The following GPR107 variants were observed in gnomAD, a reference collection of about 807,000 sequenced individuals.
GPR107 encodes the protein G protein-coupled receptor 107.
A neutral mutation model predicts 75.5 loss-of-function variants in GPR107; 31 were observed. The ratio of observed to expected loss-of-function variants is 0.41; its 90% confidence interval spans 0.31 to 0.55. GPR107 has a LOEUF of 0.55. Among genes scored for constraint, GPR107 ranks in the 20% least tolerant of loss-of-function variants. The pLI is 0.26. For synonymous variants in GPR107, 267 were observed against 251.3 expected (o/e 1.06, Z -0.59); for missense variants, 572 against 665.7 (o/e 0.86, Z 1.55).
chr9:130,083,604 T>G lies in GPR107; in HGVS notation c.564+2T>G. The G allele has an allele frequency of 6.6e-7, 1 of 1,518,868 alleles. No individual in the cohort carries two copies. The highest frequency in any genetic ancestry group is 8.8e-7 in the Non-Finnish European group (1 of 1,140,510). 94.1% of individuals were successfully genotyped at this position (1,518,868 alleles called of 1,614,324 possible). ...AAAAGAAGTACAGTGGATTCAAAGG[T>G]AAGAACTAACCACCCTTTTGTGCTC... On this transcript the variant is annotated splice_donor_variant, in intron 6 of 17. Transcript: ENST00000347136. LOFTEE classifies it high-confidence loss of function.
rs566059171 is a variant in GPR107 at position 130,125,859 on chromosome 9, C to A, written c.1356+895C>A. On this transcript the variant is annotated intron_variant, in intron 15 of 17. Coordinates refer to ENST00000347136, the MANE Select transcript of GPR107 (RefSeq NM_020960.5). ...GGTCAGGAGATCGAGACCATCCTGT[C>A]CAACATGGTGAAACCCCATCTCTAC... Among the ~76,000 whole-genome samples the A allele has an allele frequency of 6.6e-5, 10 of 151,902 alleles. No homozygotes were observed. In the South Asian group the frequency reaches 2.1e-3, roughly 32 times the overall value.
intron 4 of GPR107, among the ~76,000 whole-genome samples, chr9:130,078,993 C>T (rs1173889121): frequency 6.6e-6 from 1 of 152,224 alleles, no homozygotes; most frequent in Non-Finnish European, 1.5e-5. Context: ...GGGTCTCGCT[C>T]TGTGGCCCAG....
Position 130,054,034 on chromosome 9 carries a change from C to A in GPR107, c.102C>A (p.Ala34=). ...TGCTGGGTTTGCTGCAGTTGCTGGC[C>A]GAGCCTGGCCTGGGCCGCGTCCATC... is the stretch of plus-strand genomic sequence containing the variant. The part of the protein sequence containing the change: ...LPMLGLLQLL[A]EPGLGRVHHL... The change falls in exon 1 of 18, where the codon GCC becomes GCA. Residue 34 remains alanine, a synonymous_variant. Transcript: ENST00000347136. The A allele has an allele frequency of 6.4e-7, 1 of 1,555,030 alleles. No homozygotes were observed. The highest frequency in any genetic ancestry group is 8.7e-7 in the Non-Finnish European group (1 of 1,149,326).
chr9:130,076,336 T>A (rs997377269), intron 2 of GPR107, 76 bp from the exon 3 acceptor site: 1 of 919,656 alleles, frequency 1.1e-6, no homozygotes, highest in Non-Finnish European at 1.8e-6. Flanking sequence ...GAAGTACCAC[T>A]TTTTCTGCTT....
chr9:130,126,798 T>C (rs1368437956), intron 15 of GPR107, among the ~76,000 whole-genome samples: 1 of 152,150 alleles, frequency 6.6e-6, no homozygotes, highest in Non-Finnish European at 1.5e-5. Context: ...TTTGTTTTAT[T>C]TTTTCTTTCC....
chr9:130,081,398 G>C (rs529050217), intron 5 of GPR107, among the ~76,000 whole-genome samples: 1 of 152,050 alleles, frequency 6.6e-6, no homozygotes, highest in South Asian at 2.1e-4. Flanking sequence ...ATTAGGCCGG[G>C]TGTGGTGGCT....
intron 2 of GPR107, among the ~76,000 whole-genome samples, chr9:130,076,065 C>T (rs973017653): frequency 6.6e-6 from 1 of 152,178 alleles, no homozygotes; most frequent in Non-Finnish European, 1.5e-5. Context: ...CAGGTGTGAG[C>T]CACTGCGCCC....
chr9:130,112,127 A>G lies in GPR107; in HGVS notation c.1306+4588A>G, dbSNP rs1456913769. ...TAATTAACAGTCTCTGCTGCTCACC[A>G]TCCTTTTTTTGGGCCTTGTGTTTCT... is the stretch of plus-strand genomic sequence containing the variant. On this transcript the variant is annotated intron_variant, in intron 14 of 17. Coordinates refer to ENST00000347136, the MANE Select transcript of GPR107 (RefSeq NM_020960.5). This position sits in a 1 kb window ranked among gnomAD's most constrained non-coding sequence, Gnocchi z 4.0. 6.6e-6 allele frequency among the ~76,000 whole-genome samples: 1 copy of G among 152,104 alleles called. No homozygotes were observed. The highest frequency in any genetic ancestry group is 1.5e-5 in the Non-Finnish European group (1 of 68,026).
At chr9:130,065,377 C>G (rs1451046047) in intron 1 of GPR107, among the ~76,000 whole-genome samples, 1 of 151,522 alleles carries the variant, frequency 6.6e-6, no homozygotes, top group Non-Finnish European at 1.5e-5. Flanking sequence ...GCAAAGGTTA[C>G]AGTGAGCCGA....
At chr9:130,104,589 G>A in intron 13 of GPR107, 39 bp downstream of exon 13, 3 of 1,581,664 alleles carry the variant, frequency 1.9e-6, no homozygotes, top group East Asian at 2.2e-5. Context: ...ATGACAGCTT[G>A]GCTGTCAAGC....
chr9:130,077,805 C>A (rs1830390890), intron 4 of GPR107, among the ~76,000 whole-genome samples: 1 of 152,212 alleles, frequency 6.6e-6, no homozygotes, highest in Non-Finnish European at 1.5e-5. Context: ...GTGTCCTTAC[C>A]TACTTCGTGA....
At chr9:130,097,155 CTTTTTTT>C (rs71387312) in intron 9 of GPR107, among the ~76,000 whole-genome samples, 3 of 130,188 alleles carry the variant, frequency 2.3e-5, no homozygotes, top group Admixed American at 8.4e-5. Context: ...TCTTTTTTTT[CTTTTTTT>C]TTTTTTTTTT....
At chr9:130,133,349 G>C (rs908050574) in intron 17 of GPR107, 1 of 152,270 alleles carries the variant, frequency 6.6e-6, no homozygotes, top group Non-Finnish European at 1.5e-5. Flanking sequence ...TTGCCTCTTA[G>C]AATCAACGTG....
At chr9:130,132,648 A>G (rs1263245479) in intron 17 of GPR107, among the ~76,000 whole-genome samples, 5 of 152,088 alleles carry the variant, frequency 3.3e-5, no homozygotes, top group East Asian at 1.9e-4. Context: ...TTAGCTGGGC[A>G]TGGGGACATG....
chr9:130,127,011 A>T (rs1831705494), intron 15 of GPR107, among the ~76,000 whole-genome samples: 1 of 152,216 alleles, frequency 6.6e-6, no homozygotes, highest in Non-Finnish European at 1.5e-5. Context: ...AGAACTTGGT[A>T]GTATTTGTAC....
chr9:130,090,764 T>C (rs1830710978), intron 7 of GPR107, 112 bp from the exon 8 acceptor site: 3 of 530,200 alleles, frequency 5.7e-6, no homozygotes, highest in Non-Finnish European at 9.9e-6. Flanking sequence ...GAAATATAGC[T>C]GAGTAGAATT....
intron 14 of GPR107, among the ~76,000 whole-genome samples, chr9:130,123,946 C>T (rs1831613423): frequency 6.6e-6 from 1 of 152,220 alleles, no homozygotes. Context: ...TGTATCCTCT[C>T]AACTGTGAGA....
rs938797283 is a variant in GPR107, at chr9:130,107,552, G to A, written c.1306+13G>A. ...ACAGATGGAAAAGGCAAGTTCTCTC[G>A]TGCTCATTTTGTGTTGCTCAGCTTG... On this transcript the variant is annotated intron_variant, in intron 14 of 17. Coordinates refer to ENST00000347136, the MANE Select transcript of GPR107 (RefSeq NM_020960.5). 1.3e-5 allele frequency: 21 copies of A among 1,563,548 alleles called. No homozygotes were observed. In the East Asian group the frequency reaches 1.3e-4, roughly 10 times the overall value.
chr9:130,123,520 CTTTTCTTTTCTTT>C (rs1263496895), intron 14 of GPR107, among the ~76,000 whole-genome samples: 9 of 39,208 alleles, frequency 2.3e-4, no homozygotes, highest in Non-Finnish European at 3.5e-4. Flanking sequence ...TTTTTTCTTT[CTTTTCTTTTCTTT>C]TTTTTTTTTT....
Sources: allele counts gnomAD v4.1 joint callset (sites outside exome capture counted in the v4.1 genomes callset), GRCh38; gene constraint gnomAD v4.1.1; non-coding constraint Gnocchi (gnomAD v3.1); transcripts MANE v1.5; gene names NCBI Gene and HGNC (gene_info 2026-07-23, HGNC 2026-07-21).